SLC44A1: variants seen among roughly 807,000 people sequenced by gnomAD.
SLC44A1 encodes solute carrier family 44 member 1, also known as choline transporter-like protein 1.
A neutral mutation model predicts 79.3 loss-of-function variants in SLC44A1; 26 were observed. The observed-to-expected ratio is 0.33, with a 90% CI of 0.24 to 0.46. The LOEUF (loss-of-function observed/expected upper bound fraction) is 0.46, where lower values mean the gene tolerates loss of function less well. Among genes scored for constraint, SLC44A1 ranks in the 20% least tolerant of loss-of-function variants. The pLI, the probability that SLC44A1 is intolerant of heterozygous loss-of-function variation, is 1.00. For synonymous variants in SLC44A1, 263 were observed against 286.2 expected, an observed-to-expected ratio of 0.92 and a Z score of 0.82; for missense variants, 688 against 798.1, an observed-to-expected ratio of 0.86 and a Z score of 1.66.
intron 4 of SLC44A1, among the ~76,000 whole-genome samples, chr9:105,336,091 A>G (rs1341164778): frequency 6.6e-6 from 1 of 151,938 alleles, no homozygotes; most frequent in Non-Finnish European, 1.5e-5. Context: ...TAAGTTTTAT[A>G]TGTTGAAACA....
At chr9:105,317,284 T>C (rs1831353591) in intron 3 of SLC44A1, among the ~76,000 whole-genome samples, 1 of 152,168 alleles carries the variant, frequency 6.6e-6, no homozygotes, top group African/African-American at 2.4e-5. Context: ...TACATATGAG[T>C]TGAAGACTCT....
intron 3 of SLC44A1, among the ~76,000 whole-genome samples, chr9:105,330,449 C>T (rs1270540136): frequency 6.6e-6 from 1 of 152,196 alleles, no homozygotes; most frequent in African/African-American, 2.4e-5. Context: ...TCTTTACCTT[C>T]TCCTATCTTC....
At chr9:105,357,636 T>G (rs1827659921) in intron 6 of SLC44A1, among the ~76,000 whole-genome samples, 1 of 152,212 alleles carries the variant, frequency 6.6e-6, no homozygotes, top group South Asian at 2.1e-4. Flanking sequence ...TACTCAGGAT[T>G]ATAGCACATC....
chr9:105,374,449 T>C (rs144221011), intron 12 of SLC44A1, 149 bp from the exon 13 acceptor site: 3 of 578,946 alleles, frequency 5.2e-6, no homozygotes, highest in Admixed American at 6.7e-5. Flanking sequence ...TATATTTTCT[T>C]GTACTCAGTC....
intron 3 of SLC44A1, among the ~76,000 whole-genome samples, chr9:105,330,940 C>T (rs1826730661): frequency 6.6e-6 from 1 of 152,144 alleles, no homozygotes. Flanking sequence ...TTTGCAATTC[C>T]CTTTGCAAAT....
chr9:105,328,938 T>C (rs1318304767), intron 3 of SLC44A1, among the ~76,000 whole-genome samples: 1 of 152,170 alleles, frequency 6.6e-6, no homozygotes, highest in African/African-American at 2.4e-5. Context: ...CCCATAGTTC[T>C]TTCCTAGTAT....
At chr9:105,422,098 A>G (rs1829259926) in intron 15 of SLC44A1, among the ~76,000 whole-genome samples, 1 of 152,098 alleles carries the variant, frequency 6.6e-6, no homozygotes, top group African/African-American at 2.4e-5. Flanking sequence ...GAAGTCCACC[A>G]ACTTCCTTTT....
At chr9:105,310,755 G>A (rs1263521497) in intron 3 of SLC44A1, among the ~76,000 whole-genome samples, 2 of 152,176 alleles carry the variant, frequency 1.3e-5, no homozygotes, top group African/African-American at 2.4e-5. Context: ...TGGGCCCCTA[G>A]TGGGAAGTAT....
At chr9:105,294,950 A>G (rs985813995) in intron 1 of SLC44A1, among the ~76,000 whole-genome samples, 3 of 149,436 alleles carry the variant, frequency 2.0e-5, no homozygotes, top group African/African-American at 7.4e-5. Context: ...CTTTGAGTAT[A>G]CTGATTTTTT....
intron 3 of SLC44A1, among the ~76,000 whole-genome samples, chr9:105,320,584 ATTTTT>A (rs1259514989): frequency 6.6e-6 from 1 of 151,394 alleles, no homozygotes; most frequent in Non-Finnish European, 1.5e-5. Flanking sequence ...ATTTTATTTT[ATTTTT>A]TTTAGAGATA....
At chr9:105,388,294 A>G (rs1010466336) in intron 15 of SLC44A1, among the ~76,000 whole-genome samples, 1 of 152,180 alleles carries the variant, frequency 6.6e-6, no homozygotes, top group African/African-American at 2.4e-5. Flanking sequence ...CTAAAAAAGT[A>G]TTTCAGAAAT....
chr9:105,389,032 G>T lies in SLC44A1; in HGVS notation c.1951-1G>T. The T allele has an allele frequency of 6.2e-7, 1 of 1,612,358 alleles. No homozygotes were observed. Among genetic ancestry groups the T allele is most frequent in the Non-Finnish European group, 8.5e-7 (1 of 1,178,600 alleles). ...ATACTCTGTATGACTTTGTTTTCTAGGCTTCGGGAGCAAGTTCTGCTTGAA... is the reference window on the plus strand; with the variant it reads ...ATACTCTGTATGACTTTGTTTTCTATGCTTCGGGAGCAAGTTCTGCTTGAA... On this transcript the variant is annotated splice_acceptor_variant, in intron 15 of 15. Transcript: ENST00000374720. LOFTEE classifies it high-confidence loss of function.
intron 1 of SLC44A1, among the ~76,000 whole-genome samples, chr9:105,262,995 A>G (rs1427172846): frequency 1.3e-5 from 2 of 152,244 alleles, no homozygotes; most frequent in Admixed American, 6.5e-5. Context: ...AAAAAGAAGC[A>G]CAAATGTACC....
intron 3 of SLC44A1, among the ~76,000 whole-genome samples, chr9:105,331,173 G>A (rs1041180195): frequency 9.9e-5 from 15 of 152,148 alleles, no homozygotes; most frequent in Non-Finnish European, 1.2e-4. Flanking sequence ...GGATAACAAC[G>A]ACAAACTTGC....
At chr9:105,281,553 G>C (rs1282259793) in intron 1 of SLC44A1, among the ~76,000 whole-genome samples, 1 of 152,246 alleles carries the variant, frequency 6.6e-6, no homozygotes, top group South Asian at 2.1e-4. Context: ...TGTCTGATAC[G>C]GGCCAGGCAG....
chr9:105,261,197 A>G (rs1430801594), intron 1 of SLC44A1, among the ~76,000 whole-genome samples: 2 of 152,212 alleles, frequency 1.3e-5, no homozygotes, highest in African/African-American at 4.8e-5. Context: ...CAATCAGGAA[A>G]AAAGGCACAT....
At chr9:105,271,367 T>C (rs1830072219) in intron 1 of SLC44A1, among the ~76,000 whole-genome samples, 1 of 152,092 alleles carries the variant, frequency 6.6e-6, no homozygotes, top group Non-Finnish European at 1.5e-5. Flanking sequence ...CCCTTGTATC[T>C]TTTTTTCCCC....
chr9:105,373,093 T>C (rs1270874794), intron 12 of SLC44A1, among the ~76,000 whole-genome samples: 1 of 152,220 alleles, frequency 6.6e-6, no homozygotes, highest in African/African-American at 2.4e-5. Context: ...TCATCTTCAT[T>C]ACAGACTCCT....
intron 4 of SLC44A1, among the ~76,000 whole-genome samples, chr9:105,346,401 A>G (rs1015130645): frequency 2.6e-5 from 4 of 152,148 alleles, no homozygotes; most frequent in African/African-American, 9.7e-5. Context: ...CTGAATTCAG[A>G]TGAAGCAGTG....
Sources: gnomAD v4.1 joint callset for allele counts (sites outside exome capture counted in the v4.1 genomes callset) on GRCh38, gnomAD v4.1.1 for gene constraint, MANE v1.5 for transcripts, NCBI Gene and HGNC (gene_info 2026-07-23, HGNC 2026-07-21) for gene names.